Variants in FOXK2 observed in about 807,000 individuals in gnomAD.
FOXK2 encodes forkhead box protein K2.
Under a neutral mutation model 53.3 loss-of-function variants are expected in FOXK2, and 24 were observed. That is an observed-to-expected ratio of 0.45 (90% CI 0.33 to 0.63). The LOEUF (loss-of-function observed/expected upper bound fraction) is 0.63, where lower values mean the gene tolerates loss of function less well. FOXK2 is among the 30% of genes least tolerant of loss of function. The probability of loss-of-function intolerance (pLI) is 0.03; values close to 1 mark genes in which losing one functional copy is unlikely to be tolerated. For missense variants in FOXK2, 952 were observed against 910.5 expected, an observed-to-expected ratio of 1.05 and a Z score of -0.59; for synonymous variants, 505 against 407.1, an observed-to-expected ratio of 1.24 and a Z score of -2.89.
At chr17:82,560,321 T>C (rs747595882) in intron 1 of FOXK2, among the ~76,000 whole-genome samples, 1 of 152,160 alleles carries the variant, frequency 6.6e-6, no homozygotes, top group African/African-American at 2.4e-5. Flanking sequence ...CTCGCTGTTA[T>C]TTAAGGGAAG....
Position 82,587,148 on chromosome 17 carries a change from C to G in FOXK2, c.1662C>G (p.Val554=), listed in dbSNP as rs2045191187. ...TTCAGACGGCACAGACCACCCCGGT[C>G]CAGACGGTGACCATAGTACAACAGG... ...RIIQTAQTTP[V]QTVTIVQQAP... Residue 554 remains valine, a synonymous_variant, in exon 8 of 9, where the codon GTC becomes GTG. Transcript: ENST00000335255. 3 of 1,613,156 alleles carry G rather than the reference C, an allele frequency of 1.9e-6. No individual in the cohort carries two copies. The highest frequency in any genetic ancestry group is 2.2e-5 in the East Asian group (1 of 44,894).
intron 1 of FOXK2, among the ~76,000 whole-genome samples, chr17:82,522,041 C>CT (rs924582731): frequency 0.14 from 14,961 of 107,130 alleles, 1,238 homozygotes; most frequent in Middle Eastern, 0.18. Flanking sequence ...TTTAATCTGA[C>CT]TTTTTTTTTT....
At chr17:82,569,475 G>A (rs1386513706) in intron 3 of FOXK2, among the ~76,000 whole-genome samples, 3 of 152,198 alleles carry the variant, frequency 2.0e-5, no homozygotes, top group Non-Finnish European at 4.4e-5. Context: ...GAGAAGTAGA[G>A]GTAGTGGGCT....
intron 1 of FOXK2, among the ~76,000 whole-genome samples, chr17:82,551,507 C>T (rs986172610): frequency 1.3e-5 from 2 of 151,812 alleles, no homozygotes; most frequent in Non-Finnish European, 2.9e-5. Flanking sequence ...GAAACCCTGT[C>T]TGTACTAAAA....
chr17:82,520,152 C>CG lies in FOXK2; in HGVS notation c.266dup (p.Gly90ArgfsTer80). On this transcript the variant is annotated frameshift_variant, in exon 1 of 9. Transcript: ENST00000335255. LOFTEE classifies it high-confidence loss of function. ...TCGAGATCTTCACGCCCCCGGGCGG[C>CG]GGCGGCCATGGCGGGGCCGCTCCGG... The CG allele has an allele frequency of 6.6e-7, 1 of 1,519,904 alleles. No homozygotes were observed. 94.2% of individuals were successfully genotyped at this position (1,519,904 alleles called of 1,614,324 possible).
At chr17:82,560,984 C>T (rs2044787545) in intron 1 of FOXK2, among the ~76,000 whole-genome samples, 3 of 152,062 alleles carry the variant, frequency 2.0e-5, no homozygotes, top group African/African-American at 7.2e-5. Context: ...TTCCTGCACT[C>T]AAGCAATCCT....
chr17:82,530,396 AG>A (rs2044461408), intron 1 of FOXK2, among the ~76,000 whole-genome samples: 1 of 144,412 alleles, frequency 6.9e-6, no homozygotes, highest in Non-Finnish European at 1.5e-5. Flanking sequence ...AGGCTAAGGC[AG>A]GAGAATCACT....
rs2044340879 is a variant in FOXK2 at position 82,519,893 on chromosome 17, C to A, written c.5C>A (p.Ala2Glu). 4 of 977,740 alleles carry A rather than the reference C, an allele frequency of 4.1e-6. No homozygotes were observed. The South Asian group carries it at 1.9e-4, about 46-fold the overall frequency. The allele number at this position is 977,740 out of a possible 1,614,324, so 60.6% of individuals were successfully genotyped here. Residue 2 changes from alanine (A) to glutamate (E), a missense_variant, in exon 1 of 9, where the codon GCG (alanine) becomes GAG (glutamate). Around this residue, in one of 5 missense-constraint regions of FOXK2, gnomAD observed 163 missense variants for 165.5 expected, o/e 0.98. Coordinates refer to ENST00000335255, the MANE Select transcript of FOXK2 (RefSeq NM_004514.4). ...CGGGGGCCCTCACGCAGGCCCATGG[C>A]GGCGGCCGCGGCGGCGCTCTCGGGC... is the stretch of plus-strand genomic sequence containing the variant. M[A>E]AAAAALSGAG...
At chr17:82,548,665 A>G (rs72861071) in intron 1 of FOXK2, among the ~76,000 whole-genome samples, 23,473 of 152,148 alleles carry the variant, frequency 0.15, 2,212 homozygotes, top group East Asian at 0.32. Context: ...AGTCAAAAGC[A>G]TTTGGAGGCT....
At chr17:82,533,470 A>G (rs879311864) in intron 1 of FOXK2, among the ~76,000 whole-genome samples, 7 of 150,558 alleles carry the variant, frequency 4.6e-5, no homozygotes, top group Admixed American at 2.7e-4. Flanking sequence ...AGCCTGGGTG[A>G]TGGAGTGAGA....
intron 1 of FOXK2, chr17:82,559,354 CTCAGAGCCAGCTTCGTGT>C: frequency 2.2e-6 from 1 of 456,356 alleles, no homozygotes; most frequent in Non-Finnish European, 4.4e-6. Flanking sequence ...CTGCGCTCAG[CTCAGAGCCAGCTTCGTGT>C]GCAGAGCCCA....
chr17:82,521,278 T>G (rs1251142325), intron 1 of FOXK2, among the ~76,000 whole-genome samples: 1 of 152,134 alleles, frequency 6.6e-6, no homozygotes, highest in African/African-American at 2.4e-5. Context: ...GTTCAAGTGG[T>G]TCTCCTGCCC....
At chr17:82,541,750 G>T (rs928822180) in intron 1 of FOXK2, among the ~76,000 whole-genome samples, 5 of 151,790 alleles carry the variant, frequency 3.3e-5, no homozygotes, top group African/African-American at 1.2e-4. Flanking sequence ...TTACTTTGTT[G>T]CCCAGGCTGG....
chr17:82,601,344 G>A lies in FOXK2; in HGVS notation c.1828G>A (p.Ala610Thr), dbSNP rs995177604. 6 of 1,613,134 alleles carry A rather than the reference G, an allele frequency of 3.7e-6. No homozygotes were observed. The highest frequency in any genetic ancestry group is 1.3e-5 in the African/African-American group (1 of 74,926). Residue 610 changes from alanine (A) to threonine (T), a missense_variant, in exon 9 of 9, where the codon GCA (alanine) becomes ACA (threonine). Transcript: ENST00000335255. ...PLHMLATHAS[A>T]SASLPTKRHN... ...GCACATGTTGGCAACACACGCATCC[G>A]CATCGGCCTCCCTGCCCACAAAGCG...
At chr17:82,551,375 A>T (rs766802548) in intron 1 of FOXK2, among the ~76,000 whole-genome samples, 1 of 150,486 alleles carries the variant, frequency 6.6e-6, no homozygotes, top group Non-Finnish European at 1.5e-5. Flanking sequence ...TGAGTTTTGA[A>T]GGATAAGAAG....
At chr17:82,589,765 G>T (rs2045234818) in intron 8 of FOXK2, among the ~76,000 whole-genome samples, 1 of 152,024 alleles carries the variant, frequency 6.6e-6, no homozygotes, top group East Asian at 1.9e-4. Flanking sequence ...AGTGATCTTG[G>T]CTGGGTGTGG....
Position 82,587,561 on chromosome 17 carries a change from C to A in FOXK2, c.1786+289C>A, listed in dbSNP as rs796211226. ...TTTCCTGGGTGTGGCCTGGAAGCGG[C>A]CTGAAACGGCGGGAGCCGCCGCGTG... On this transcript the variant is annotated intron_variant, in intron 8 of 8. Transcript: ENST00000335255. The A allele has an allele frequency of 1.7e-4, 77 of 445,854 alleles. 1 individual carries two copies. In the Middle Eastern group the frequency reaches 2.7e-3, roughly 16 times the overall value. 27.6% of individuals were successfully genotyped at this position (445,854 alleles called of 1,614,324 possible). A position where few individuals can be genotyped will look rare whatever the true frequency, so the allele number is the denominator to read the frequency against.
chr17:82,523,241 C>CT (rs2044384301), intron 1 of FOXK2, among the ~76,000 whole-genome samples: 1 of 151,834 alleles, frequency 6.6e-6, no homozygotes, highest in Non-Finnish European at 1.5e-5. Flanking sequence ...TCTCATGGGC[C>CT]TGGGACTCTC....
intron 1 of FOXK2, among the ~76,000 whole-genome samples, chr17:82,523,208 G>A (rs2044383756): frequency 6.6e-6 from 1 of 152,210 alleles, no homozygotes. Context: ...TGTGGCCACC[G>A]AGGTGAACAT....
Sources: gnomAD v4.1 joint callset for allele counts (sites outside exome capture counted in the v4.1 genomes callset) on GRCh38, gnomAD v4.1.1 for gene constraint, gnomAD v4.1.1 regional missense constraint, MANE v1.5 for transcripts, NCBI Gene and HGNC (gene_info 2026-07-23, HGNC 2026-07-21) for gene names.